Variants in ZNF107 observed in about 807,000 individuals in gnomAD.
ZNF107 encodes zinc finger protein 107.
Under a neutral mutation model 12.3 loss-of-function variants are expected in ZNF107, and 19 were observed. That is an observed-to-expected ratio of 1.55 (90% CI 1.08 to 2.27). The LOEUF is 2.27. Among genes scored for constraint, ZNF107 ranks in the 30% most tolerant of loss-of-function variants. The probability of loss-of-function intolerance (pLI) is 0.00; values close to 1 mark genes in which losing one functional copy is unlikely to be tolerated. For missense variants in ZNF107, 958 were observed against 979.9 expected, an observed-to-expected ratio of 0.98 and a Z score of 0.30; for synonymous variants, 317 against 330.5, an observed-to-expected ratio of 0.96 and a Z score of 0.44.
intron 1 of ZNF107, 93 bp from the exon 2 acceptor site, chr7:64,691,155 A>G (rs914412063): frequency 1.6e-5 from 19 of 1,159,290 alleles, no homozygotes; most frequent in Non-Finnish European, 1.9e-5. Context: ...TACAGGCATG[A>G]ACCACAGTAC....
intron 1 of ZNF107, among the ~76,000 whole-genome samples, chr7:64,668,772 CCAAGGCT>C (rs1489581267): frequency 6.6e-6 from 1 of 151,756 alleles, no homozygotes; most frequent in Non-Finnish European, 1.5e-5. Flanking sequence ...CAACGGTATT[CCAAGGCT>C]TAGTTTTTAG....
At chr7:64,685,709 A>G (rs1311227276) in intron 1 of ZNF107, among the ~76,000 whole-genome samples, 1 of 152,096 alleles carries the variant, frequency 6.6e-6, no homozygotes, top group Non-Finnish European at 1.5e-5. Context: ...CACCTTTTTA[A>G]CATACACAGC....
intron 1 of ZNF107, 30 bp downstream of exon 1, chr7:64,666,315 G>A: frequency 6.2e-7 from 1 of 1,607,718 alleles, no homozygotes; most frequent in Non-Finnish European, 8.5e-7. Flanking sequence ...CATCCCGAGA[G>A]AGGGGGAGGG....
At chr7:64,676,544 G>A (rs1408848562) in intron 1 of ZNF107, among the ~76,000 whole-genome samples, 1 of 152,102 alleles carries the variant, frequency 6.6e-6, no homozygotes, top group Non-Finnish European at 1.5e-5. Context: ...TTATTCATGT[G>A]CACCTGTGAA....
intron 3 of ZNF107, among the ~76,000 whole-genome samples, chr7:64,701,247 T>C (rs1037268542): frequency 3.3e-5 from 5 of 152,198 alleles, no homozygotes. Context: ...CCCATTCTGA[T>C]ATTTTCAACC....
intron 1 of ZNF107, among the ~76,000 whole-genome samples, chr7:64,673,065 A>G (rs889289861): frequency 3.3e-5 from 5 of 151,976 alleles, no homozygotes; most frequent in African/African-American, 1.2e-4. Context: ...TTTATTTGAG[A>G]TGGAGTCACA....
At chr7:64,673,846 A>T (rs934814423) in intron 1 of ZNF107, among the ~76,000 whole-genome samples, 5 of 152,228 alleles carry the variant, frequency 3.3e-5, no homozygotes, top group African/African-American at 9.6e-5. Flanking sequence ...CGCATTCCTC[A>T]TGTCAGCTTT....
intron 3 of ZNF107, among the ~76,000 whole-genome samples, chr7:64,702,191 C>G (rs542103456): frequency 5.3e-5 from 8 of 151,954 alleles, no homozygotes; most frequent in Non-Finnish European, 1.0e-4. Flanking sequence ...CTCTGTCGCC[C>G]AGGCTGGAGT....
intron 1 of ZNF107, chr7:64,686,453 A>T: frequency 3.2e-6 from 3 of 944,950 alleles, no homozygotes; most frequent in Non-Finnish European, 3.8e-6. Flanking sequence ...CCACCCCAAG[A>T]TCTCTCTCCC....
At chr7:64,683,561 T>C (rs1212849470) in intron 1 of ZNF107, among the ~76,000 whole-genome samples, 1 of 152,226 alleles carries the variant, frequency 6.6e-6, no homozygotes, top group Admixed American at 6.5e-5. Flanking sequence ...AAGTGGTTCT[T>C]AGATCATAGA....
In ZNF107 at chr7:64,707,334, A is replaced by G. The variant is rs770697295; in HGVS notation, c.1237A>G (p.Thr413Ala). 1 of 1,613,344 alleles carries G rather than the reference A, an allele frequency of 6.2e-7. No individual in the cohort carries two copies. The highest frequency in any genetic ancestry group is 8.5e-7 in the Non-Finnish European group (1 of 1,179,730). The change falls in exon 4 of 4, where the codon ACT becomes GCT. Residue 413 changes from threonine (T) to alanine (A), a missense_variant. Transcript: ENST00000620827. The part of the protein sequence containing the change: ...GKVFNQFSTL[T>A]RHKIIHTGEK... ...AGTCTTTAACCAGTTCTCAACTCTT[A>G]CTAGACATAAGATAATTCATACTGG... is the stretch of plus-strand genomic sequence containing the variant.
chr7:64,691,905 G>T lies in ZNF107; in HGVS notation c.171G>T (p.Glu57Asp). 1 of 1,522,996 alleles carries T rather than the reference G, an allele frequency of 6.6e-7. No homozygotes were observed. The highest frequency in any genetic ancestry group is 8.8e-7 in the Non-Finnish European group (1 of 1,141,552). 94.3% of individuals were successfully genotyped at this position (1,522,996 alleles called of 1,614,324 possible). The change falls in exon 3 of 4, where the codon GAG becomes GAT. Residue 57 changes from glutamate to aspartate, a missense_variant. Glu to Asp is a conservative substitution (Grantham distance 45, BLOSUM62 2). Coordinates refer to ENST00000620827, the MANE Select transcript of ZNF107 (RefSeq NM_001282359.2). ...AGCCATATCTGATCACCTGTCTGGA[G>T]CAAAAAAAAGAGCCCTGGAATATAA... ...VSKPYLITCL[E>D]QKKEPWNIKR... is the part of the protein sequence containing the mutation.
Position 64,678,378 on chromosome 7 carries a change from G to A in ZNF107, c.3+12093G>A, listed in dbSNP as rs372453552. ...GCTAAAATACTTCCATTGCAAAAGC[G>A]AGGTTCAGTGTATGAACCGAACAGT... is the stretch of plus-strand genomic sequence containing the variant. On this transcript the variant is annotated intron_variant, in intron 1 of 3. Transcript: ENST00000620827. 2.0e-4 allele frequency among the ~76,000 whole-genome samples: 30 copies of A among 152,254 alleles called. No individual in the cohort carries two copies. In the East Asian group the frequency reaches 5.0e-3, roughly 25 times the overall value.
intron 1 of ZNF107, among the ~76,000 whole-genome samples, chr7:64,670,868 G>A (rs1403494317): frequency 6.6e-6 from 1 of 152,066 alleles, no homozygotes; most frequent in African/African-American, 2.4e-5. Flanking sequence ...GAACTTGAGG[G>A]AGTTATGGGA....
At chr7:64,681,013 A>G (rs1789646451) in intron 1 of ZNF107, among the ~76,000 whole-genome samples, 1 of 152,100 alleles carries the variant, frequency 6.6e-6, no homozygotes, top group African/African-American at 2.4e-5. Flanking sequence ...GGTTCCTCCT[A>G]AGCCATGCCC....
At position 64,708,048 on chromosome 7, in the gene ZNF107, T is replaced by C; in HGVS notation, c.1951T>C (p.Phe651Leu). The change falls in exon 4 of 4, where the codon TTT (phenylalanine) becomes CTT (leucine). Residue 651 changes from phenylalanine to leucine, a missense_variant. Physicochemically the swap from Phe to Leu is conservative, Grantham distance 22. Coordinates refer to ENST00000620827, the MANE Select transcript of ZNF107 (RefSeq NM_001282359.2). ...IIHTGENLYKFEEHGKAFNLF... is the reference protein window; with the variant it reads ...IIHTGENLYKLEEHGKAFNLF... ...TCATACTGGAGAGAACCTCTACAAA[T>C]TTGAAGAACATGGAAAAGCTTTTAA... The C allele has an allele frequency of 6.2e-7, 1 of 1,613,572 alleles. No homozygotes were observed. Among genetic ancestry groups the C allele is most frequent in the Non-Finnish European group, 8.5e-7 (1 of 1,179,728 alleles).
intron 1 of ZNF107, among the ~76,000 whole-genome samples, chr7:64,681,323 T>TG (rs1789663698): frequency 6.6e-6 from 1 of 152,090 alleles, no homozygotes; most frequent in African/African-American, 2.4e-5. Context: ...TTGTGGGAAT[T>TG]GACGGCAAAG....
Position 64,708,088 on chromosome 7 carries a change from T to C in ZNF107, c.1991T>C (p.Ile664Thr). The change falls in exon 4 of 4, where the codon ATT becomes ACT. Residue 664 changes from isoleucine (I) to threonine (T), a missense_variant. Ile to Thr is a moderately conservative substitution (Grantham distance 89). Transcript: ENST00000620827. ...AAAGCTTTTAACCTATTCTCAAACA[T>C]TACTAACCATAAGATAATTTATACT... ...HGKAFNLFSN[I>T]TNHKIIYTGE... 6.2e-7 allele frequency: 1 copy of C among 1,613,328 alleles called. No individual in the cohort carries two copies. Among genetic ancestry groups the C allele is most frequent in the Admixed American group, 1.7e-5 (1 of 59,934 alleles).
chr7:64,686,924 A>G, intron 1 of ZNF107: 1 of 985,446 alleles, frequency 1.0e-6, no homozygotes, highest in Non-Finnish European at 1.2e-6. Context: ...ACCACGCTGT[A>G]ACACACACTT....
Sources: gnomAD v4.1 joint callset for allele counts (sites outside exome capture counted in the v4.1 genomes callset) on GRCh38, gnomAD v4.1.1 for gene constraint, MANE v1.5 for transcripts, NCBI Gene and HGNC (gene_info 2026-07-23, HGNC 2026-07-21) for gene names.